The following NFIL3 variants were observed in gnomAD, a reference collection of about 807,000 sequenced individuals.
NFIL3 encodes nuclear factor, interleukin 3 regulated, also known as nuclear factor interleukin-3-regulated protein.
Under a neutral mutation model 10.0 loss-of-function variants are expected in NFIL3, and 5 were observed. The observed-to-expected ratio is 0.50, with a 90% CI of 0.26 to 1.06. NFIL3 has a LOEUF of 1.06. Among genes scored for constraint, NFIL3 ranks in the 50% least tolerant of loss-of-function variants. The pLI, the probability that NFIL3 is intolerant of heterozygous loss-of-function variation, is 0.13. For synonymous variants in NFIL3, 202 were observed against 206.5 expected (o/e 0.98, Z 0.19); for missense variants, 436 against 547.6 (o/e 0.80, Z 2.03).
the NFIL3 span, among the ~76,000 whole-genome samples, chr9:91,432,449 A>G: frequency 6.6e-6 from 1 of 152,192 alleles, no homozygotes; most frequent in African/African-American, 2.4e-5. Context: ...TGGGAAACTC[A>G]GGCCCAGCCA....
chr9:91,426,220 C>A (rs986881569), upstream of NFIL3: 1 of 152,114 alleles, frequency 6.6e-6, no homozygotes, highest in African/African-American at 2.4e-5. Context: ...TTCATTGTTA[C>A]CATCTAACTT....
At chr9:91,440,557 T>C in the NFIL3 span, among the ~76,000 whole-genome samples, 59 of 152,206 alleles carry the variant, frequency 3.9e-4, no homozygotes, top group Middle Eastern at 3.4e-3. Flanking sequence ...TTGGGCTTAG[T>C]TTGTTCTTCT....
chr9:91,446,792 TTCTCTC>T, the NFIL3 span, among the ~76,000 whole-genome samples: 7 of 145,568 alleles, frequency 4.8e-5, no homozygotes, highest in Non-Finnish European at 9.1e-5. Flanking sequence ...CTCCCTCCCT[TTCTCTC>T]TCTCTCTCTC....
chr9:91,432,498 A>G, the NFIL3 span, among the ~76,000 whole-genome samples: 6 of 152,358 alleles, frequency 3.9e-5, no homozygotes, highest in East Asian at 3.9e-4. Context: ...AAGTGCAGCA[A>G]TAGTCCCAAA....
upstream of NFIL3, among the ~76,000 whole-genome samples, chr9:91,427,319 G>T (rs1833882164): frequency 6.6e-6 from 1 of 152,194 alleles, no homozygotes; most frequent in Non-Finnish European, 1.5e-5. Context: ...TGGGAACAGG[G>T]GGTGGAGACG....
At chr9:91,434,753 A>G in the NFIL3 span, among the ~76,000 whole-genome samples, 1 of 152,240 alleles carries the variant, frequency 6.6e-6, no homozygotes, top group Non-Finnish European at 1.5e-5. Context: ...GGATACGAAT[A>G]ATTTTCGAAA....
At chr9:91,464,254 G>A in the NFIL3 span, among the ~76,000 whole-genome samples, 4 of 151,860 alleles carry the variant, frequency 2.6e-5, no homozygotes, top group South Asian at 2.1e-4. Context: ...GGTTTTAACT[G>A]AGCATTTTAT....
intron 1 of NFIL3, among the ~76,000 whole-genome samples, chr9:91,419,950 G>A (rs956516479): frequency 2.6e-5 from 4 of 152,196 alleles, no homozygotes; most frequent in Non-Finnish European, 5.9e-5. Flanking sequence ...TTATCTGTGG[G>A]GTCTCACCAT....
chr9:91,444,027 T>G, the NFIL3 span, among the ~76,000 whole-genome samples: 1 of 148,530 alleles, frequency 6.7e-6, no homozygotes, highest in African/African-American at 2.5e-5. Flanking sequence ...TTTCTGTCCC[T>G]GTTTTGTCTC....
At chr9:91,458,863 A>G in the NFIL3 span, among the ~76,000 whole-genome samples, 24 of 152,306 alleles carry the variant, frequency 1.6e-4, no homozygotes, top group African/African-American at 5.5e-4. Context: ...AAAATTAAGG[A>G]GCATGGACAC....
At chr9:91,425,945 C>G (rs906043745), upstream of NFIL3, among the ~76,000 whole-genome samples, 2 of 152,198 alleles carry the variant, frequency 1.3e-5, no homozygotes, top group African/African-American at 4.8e-5. Flanking sequence ...CCTGCATAAT[C>G]TACCCTCCCC....
intron 1 of NFIL3, among the ~76,000 whole-genome samples, chr9:91,413,090 C>G (rs1442697055): frequency 1.3e-5 from 2 of 152,068 alleles, no homozygotes; most frequent in African/African-American, 4.8e-5. Flanking sequence ...GTTAAGGGAA[C>G]AGCTAGTCGT....
At chr9:91,437,688 T>C in the NFIL3 span, among the ~76,000 whole-genome samples, 6 of 152,228 alleles carry the variant, frequency 3.9e-5, no homozygotes, top group Non-Finnish European at 5.9e-5. Context: ...CCACCCCTGG[T>C]AAGCAGTGTC....
the NFIL3 span, among the ~76,000 whole-genome samples, chr9:91,473,208 T>C: frequency 6.6e-6 from 1 of 152,214 alleles, no homozygotes; most frequent in Non-Finnish European, 1.5e-5. Context: ...GAGCTCAAAC[T>C]CTGTGCTGGG....
At chr9:91,411,575 A>G (rs539050199) in intron 1 of NFIL3, among the ~76,000 whole-genome samples, 4 of 152,350 alleles carry the variant, frequency 2.6e-5, no homozygotes, top group African/African-American at 7.2e-5. Context: ...GTAGGCTTAT[A>G]TCCCAGCAAA....
In NFIL3 at chr9:91,416,894, A is replaced by G. The variant is rs182581173; in HGVS notation, c.-172-5988T>C. Among the ~76,000 whole-genome samples the G allele has an allele frequency of 5.9e-5, 9 of 152,356 alleles. No individual in the cohort carries two copies. The East Asian group carries it at 1.5e-3, about 26-fold the overall frequency. ...TATAAAAGAATATAACCTCATAACA[A>G]TAATTCTAGACCAAATTTATCCTTG... On this transcript the variant is annotated intron_variant, in intron 1 of 1. Transcript: ENST00000297689.
At chr9:91,436,575 C>CAACA in the NFIL3 span, among the ~76,000 whole-genome samples, 2 of 127,078 alleles carry the variant, frequency 1.6e-5, no homozygotes, top group Non-Finnish European at 1.6e-5. Flanking sequence ...AAGACTCTGC[C>CAACA]TCAACAACAA....
intron 1 of NFIL3, among the ~76,000 whole-genome samples, chr9:91,421,671 C>T (rs1367666070): frequency 2.0e-5 from 3 of 152,166 alleles, no homozygotes; most frequent in Non-Finnish European, 4.4e-5. Flanking sequence ...CACGCGGCCC[C>T]TACAGGCCTG....
the NFIL3 span, among the ~76,000 whole-genome samples, chr9:91,481,224 T>C: frequency 6.6e-6 from 1 of 152,204 alleles, no homozygotes; most frequent in South Asian, 2.1e-4. Flanking sequence ...ATTACAGAAT[T>C]AATTTGAGAT....
Sources: gnomAD v4.1 joint callset for allele counts (sites outside exome capture counted in the v4.1 genomes callset) on GRCh38, gnomAD v4.1.1 for gene constraint, MANE v1.5 for transcripts, NCBI Gene and HGNC (gene_info 2026-07-23, HGNC 2026-07-21) for gene names.